Variants in IL10RB observed in about 807,000 individuals in gnomAD.
IL10RB encodes interleukin-10 receptor subunit beta.
Under a neutral mutation model 38.7 loss-of-function variants are expected in IL10RB, and 30 were observed. The observed-to-expected ratio is 0.78, with a 90% CI of 0.58 to 1.05. IL10RB has a LOEUF of 1.05. IL10RB is among the 50% of genes least tolerant of loss of function. The pLI, the probability that IL10RB is intolerant of heterozygous loss-of-function variation, is 0.00. For synonymous variants in IL10RB, 142 were observed against 145.9 expected (o/e 0.97, Z 0.19); for missense variants, 328 against 397.1 (o/e 0.83, Z 1.48).
At chr21:33,292,607 C>T (rs1042521121) in intron 6 of IL10RB, among the ~76,000 whole-genome samples, 1 of 152,188 alleles carries the variant, frequency 6.6e-6, no homozygotes, top group African/African-American at 2.4e-5. Flanking sequence ...TCGTCAGAAG[C>T]TCTGTCTCTG....
At chr21:33,293,547 A>G (rs1355771865) in intron 6 of IL10RB, among the ~76,000 whole-genome samples, 1 of 152,218 alleles carries the variant, frequency 6.6e-6, no homozygotes, top group Non-Finnish European at 1.5e-5. Context: ...CAGGCCGAGC[A>G]TGGTGGCTCA....
In IL10RB at chr21:33,271,297, G is replaced by A. The variant is rs534080563; in HGVS notation, c.173+2780G>A. 7.2e-5 allele frequency among the ~76,000 whole-genome samples: 11 copies of A among 152,242 alleles called. No homozygotes were observed. In the East Asian group the frequency reaches 7.7e-4, roughly 11 times the overall value. ...TTGTTTGCGTGCATTGGGGCAGGGC[G>A]TCCAGAGCCGGGGGCACTTCAGAGG... is the stretch of plus-strand genomic sequence containing the variant. On this transcript the variant is annotated intron_variant, in intron 2 of 6. Transcript: ENST00000290200.
intron 6 of IL10RB, among the ~76,000 whole-genome samples, chr21:33,291,205 C>G (rs1989480387): frequency 6.6e-6 from 1 of 152,146 alleles, no homozygotes; most frequent in African/African-American, 2.4e-5. Flanking sequence ...AACTGATCCC[C>G]TCTGCAGCAA....
chr21:33,288,406 G>T, intron 6 of IL10RB, 145 bp downstream of exon 6: 1 of 267,902 alleles, frequency 3.7e-6, no homozygotes, highest in Non-Finnish European at 8.0e-6. Flanking sequence ...CACACACACA[G>T]ACACGCCTCT....
chr21:33,291,698 A>C (rs1352421194), intron 6 of IL10RB, among the ~76,000 whole-genome samples: 2 of 152,180 alleles, frequency 1.3e-5, no homozygotes, highest in Admixed American at 6.5e-5. Context: ...CCTAAACTAA[A>C]GGTTAGCTCC....
intron 2 of IL10RB, among the ~76,000 whole-genome samples, chr21:33,275,187 G>A (rs761437297): frequency 1.2e-4 from 15 of 126,398 alleles, no homozygotes; most frequent in Non-Finnish European, 1.4e-4. Flanking sequence ...ATGGAGTCTC[G>A]CTCTGTTGCC....
intron 2 of IL10RB, among the ~76,000 whole-genome samples, chr21:33,273,644 A>G (rs1166255423): frequency 1.3e-5 from 2 of 152,240 alleles, no homozygotes; most frequent in African/African-American, 4.8e-5. Context: ...GTAGCATGAG[A>G]TGCTGTTCGG....
At chr21:33,309,994 G>A (rs1039384416) in exon 2 of IL10RB, 1 of 152,176 alleles carries the variant, frequency 6.6e-6, no homozygotes, top group African/African-American at 2.4e-5. Context: ...CTGAATCGAT[G>A]AGATTAGTGT....
downstream of IL10RB, among the ~76,000 whole-genome samples, chr21:33,298,945 C>T (rs1482932031): frequency 6.6e-6 from 1 of 152,130 alleles, no homozygotes; most frequent in African/African-American, 2.4e-5. Context: ...GTAGAGACCC[C>T]ATCTGCAGAA....
chr21:33,284,866 C>T (rs181577918), intron 5 of IL10RB, among the ~76,000 whole-genome samples: 28 of 152,254 alleles, frequency 1.8e-4, no homozygotes, highest in Admixed American at 7.2e-4. Flanking sequence ...AATTCATCCT[C>T]TTTTCTTTAT....
At chr21:33,268,238 A>G (rs1016833263) in intron 1 of IL10RB, 156 bp from the exon 2 acceptor site, 50 of 1,535,506 alleles carry the variant, frequency 3.3e-5, no homozygotes, top group Non-Finnish European at 4.2e-5. Context: ...GAAAATCTAG[A>G]CTCCTCAGCA....
chr21:33,269,290 C>T lies in IL10RB; in HGVS notation c.173+773C>T, dbSNP rs144153802. 2.4e-4 allele frequency among the ~76,000 whole-genome samples: 36 copies of T among 152,334 alleles called. No individual in the cohort carries two copies. The East Asian group carries it at 5.4e-3, about 23-fold the overall frequency. On this transcript the variant is annotated intron_variant, in intron 2 of 6. Transcript: ENST00000290200. ...ACTCCCTTGGCAGCCTGCCACCATA[C>T]GCCACATGCTGGACTGCAGGTGACA...
chr21:33,275,152 C>CTTTTT (rs71320298), intron 2 of IL10RB, among the ~76,000 whole-genome samples: 198 of 102,166 alleles, frequency 1.9e-3, no homozygotes, highest in Middle Eastern at 6.6e-3. Flanking sequence ...TCCAACTTTT[C>CTTTTT]TTTTTTTTTT....
intron 2 of IL10RB, among the ~76,000 whole-genome samples, chr21:33,273,527 T>C (rs1046134019): frequency 6.6e-6 from 1 of 152,202 alleles, no homozygotes; most frequent in Non-Finnish European, 1.5e-5. Flanking sequence ...TGCTGACTGA[T>C]CAGGGTAGTG....
chr21:33,282,671 C>T (rs1435572787), intron 4 of IL10RB, among the ~76,000 whole-genome samples: 5 of 152,088 alleles, frequency 3.3e-5, no homozygotes, highest in African/African-American at 1.2e-4. Context: ...GCAACTTCCA[C>T]CTCCCAAGTT....
At chr21:33,293,158 TGA>T in intron 6 of IL10RB, among the ~76,000 whole-genome samples, 1 of 151,994 alleles carries the variant, frequency 6.6e-6, no homozygotes, top group Non-Finnish European at 1.5e-5. Context: ...CTCTACAGGG[TGA>T]GTTTCTCACC....
At chr21:33,289,328 C>G (rs759465433) in intron 6 of IL10RB, among the ~76,000 whole-genome samples, 2 of 152,206 alleles carry the variant, frequency 1.3e-5, no homozygotes, top group Non-Finnish European at 2.9e-5. Flanking sequence ...GAGTTGATCT[C>G]GTTTCCTGGG....
chr21:33,295,191 C>T (rs1386737047), intron 6 of IL10RB, among the ~76,000 whole-genome samples: 1 of 151,938 alleles, frequency 6.6e-6, no homozygotes, highest in Non-Finnish European at 1.5e-5. Flanking sequence ...CTGTGAAACC[C>T]TGTCTCTACT....
rs1306562411 is a variant in IL10RB, at chr21:33,266,397, A to G, written c.-69A>G. On this transcript the variant is annotated 5_prime_UTR_variant, in exon 1 of 7. Transcript: ENST00000290200. ...CGCTGGTTCCCGGAAGCCGCCGCGG[A>G]CAAGCTCTCCCGGGCGCGGGCGGGG... 6.0e-6 allele frequency: 9 copies of G among 1,507,762 alleles called. No homozygotes were observed. Among genetic ancestry groups the G allele is most frequent in the East Asian group, 2.5e-5 (1 of 39,566 alleles). The allele number at this position is 1,507,762 out of a possible 1,614,324, so 93.4% of individuals were successfully genotyped here. A position where few individuals can be genotyped will look rare whatever the true frequency, so the allele number is the denominator to read the frequency against.
Sources: gnomAD v4.1 joint callset for allele counts (sites outside exome capture counted in the v4.1 genomes callset) on GRCh38, gnomAD v4.1.1 for gene constraint, MANE v1.5 for transcripts, NCBI Gene and HGNC (gene_info 2026-07-23, HGNC 2026-07-21) for gene names.